SYNPR: variants seen among roughly 807,000 people sequenced by gnomAD.
SYNPR encodes synaptoporin.
SYNPR carries 23 observed loss-of-function variants against 32.9 expected under a neutral mutation model. The ratio of observed to expected loss-of-function variants is 0.70; its 90% CI spans 0.50 to 0.99. The LOEUF is 0.99. Ranked by LOEUF, SYNPR falls within the 50% of genes least tolerant of loss-of-function variation. The pLI is 0.00. For missense variants in SYNPR, 318 were observed against 349.3 expected (o/e 0.91, Z 0.71); for synonymous variants, 146 against 135.9 (o/e 1.07, Z -0.52).
intron 2 of SYNPR, among the ~76,000 whole-genome samples, chr3:63,372,962 A>C (rs1289520101): frequency 6.6e-6 from 1 of 152,198 alleles, no homozygotes; most frequent in Non-Finnish European, 1.5e-5. Context: ...CCAAACTTCA[A>C]CACCAAAAAT....
At chr3:63,439,338 T>A (rs1700131157) in intron 2 of SYNPR, among the ~76,000 whole-genome samples, 1 of 152,220 alleles carries the variant, frequency 6.6e-6, no homozygotes, top group African/African-American at 2.4e-5. Context: ...AATGGATAAA[T>A]GTTATTTTAA....
intron 4 of SYNPR, among the ~76,000 whole-genome samples, chr3:63,604,537 G>C (rs1700091288): frequency 6.6e-6 from 1 of 152,112 alleles, no homozygotes; most frequent in South Asian, 2.1e-4. Context: ...ATTCTGGTAT[G>C]TTGTGTCTTT....
intron 2 of SYNPR, among the ~76,000 whole-genome samples, chr3:63,254,013 T>C (rs929583597): frequency 6.6e-6 from 1 of 152,144 alleles, no homozygotes; most frequent in African/African-American, 2.4e-5. Context: ...TCCTGTCCTT[T>C]GTAGGGACAT....
chr3:63,318,701 T>C (rs552828925), intron 2 of SYNPR, among the ~76,000 whole-genome samples: 1 of 152,220 alleles, frequency 6.6e-6, no homozygotes, highest in South Asian at 2.1e-4. Context: ...GGGCTTTGCC[T>C]TTCTCTAGTC....
At chr3:63,436,636 A>G (rs575588467) in intron 2 of SYNPR, among the ~76,000 whole-genome samples, 54 of 152,206 alleles carry the variant, frequency 3.5e-4, no homozygotes, top group African/African-American at 1.2e-3. Context: ...CCTGAGATCC[A>G]GGGCCTGTGG....
In SYNPR at chr3:63,548,484, G is replaced by T. The variant is rs181226628; in HGVS notation, c.210-8059G>T. ...TCACATAAGCTGAGTAAGTAAGAGT[G>T]TATGTGTGCATCTGTAAATGCACAC... On this transcript the variant is annotated intron_variant, in intron 3 of 5. Coordinates refer to ENST00000478300, the MANE Select transcript of SYNPR (RefSeq NM_001130003.2). Among the ~76,000 whole-genome samples the T allele has an allele frequency of 6.0e-3, 906 of 152,172 alleles. 1 individual carries two copies. Among genetic ancestry groups the T allele is most frequent in the Non-Finnish European group, 7.4e-3 (504 of 68,006 alleles).
intron 4 of SYNPR, among the ~76,000 whole-genome samples, chr3:63,579,821 A>G (rs201448131): frequency 1.5e-5 from 2 of 129,610 alleles, no homozygotes; most frequent in African/African-American, 2.7e-5. Flanking sequence ...ACACACACAC[A>G]CACGCACACA....
intron 2 of SYNPR, among the ~76,000 whole-genome samples, chr3:63,264,540 G>A (rs1434300629): frequency 6.6e-6 from 1 of 152,174 alleles, no homozygotes; most frequent in Non-Finnish European, 1.5e-5. Flanking sequence ...GCAGGCATAT[G>A]TGTGTATTTT....
At chr3:63,553,752 G>A (rs954013163) in intron 3 of SYNPR, among the ~76,000 whole-genome samples, 2 of 151,982 alleles carry the variant, frequency 1.3e-5, no homozygotes, top group East Asian at 1.9e-4. Context: ...ACGGAGTTTC[G>A]CTCTTGTTGC....
At chr3:63,537,373 G>T (rs1702228565) in intron 3 of SYNPR, among the ~76,000 whole-genome samples, 1 of 143,808 alleles carries the variant, frequency 7.0e-6, no homozygotes, top group Non-Finnish European at 1.5e-5. Context: ...ATCTCTACTA[G>T]AAAATCTCTC....
At chr3:63,269,584 A>G (rs780839336) in intron 3 of SYNPR, among the ~76,000 whole-genome samples, 2 of 152,186 alleles carry the variant, frequency 1.3e-5, no homozygotes, top group African/African-American at 2.4e-5. Context: ...ATTAGCACCA[A>G]TTGTGTCTCA....
chr3:63,403,627 G>A (rs2088322388), intron 2 of SYNPR, among the ~76,000 whole-genome samples: 2 of 152,130 alleles, frequency 1.3e-5, no homozygotes, highest in South Asian at 4.1e-4. Context: ...AGTATGGAGA[G>A]CTGAAACACG....
intron 2 of SYNPR, among the ~76,000 whole-genome samples, chr3:63,335,574 T>A (rs1173440045): frequency 1.3e-5 from 2 of 152,014 alleles, no homozygotes; most frequent in Non-Finnish European, 2.9e-5. Flanking sequence ...TTTGAGAAAC[T>A]GTTAACCTGA....
chr3:63,353,429 C>G (rs1271509237), intron 2 of SYNPR, among the ~76,000 whole-genome samples: 1 of 152,194 alleles, frequency 6.6e-6, no homozygotes, highest in Non-Finnish European at 1.5e-5. Flanking sequence ...ATTGGAAACT[C>G]TGACTTTGGC....
the SYNPR span, among the ~76,000 whole-genome samples, chr3:63,209,568 G>A: frequency 2.6e-5 from 4 of 152,100 alleles, no homozygotes; most frequent in African/African-American, 9.7e-5. Flanking sequence ...CATGATTAGG[G>A]TTTAGCCGTA....
intron 2 of SYNPR, among the ~76,000 whole-genome samples, chr3:63,375,013 C>G (rs2087869588): frequency 6.6e-6 from 1 of 152,086 alleles, no homozygotes. Flanking sequence ...AAATCAAAAC[C>G]ACAATGAGAT....
rs77201335 is a variant in SYNPR at position 63,504,702 on chromosome 3, C to G, written c.209+23746C>G. On this transcript the variant is annotated intron_variant, in intron 3 of 5. Transcript: ENST00000478300. ...GTCTTGATCTATGCTTGAAAAAAGGCAGTTTTTAATTAGCAAATGAAGAGA... is the reference window on the plus strand; with the variant it reads ...GTCTTGATCTATGCTTGAAAAAAGGGAGTTTTTAATTAGCAAATGAAGAGA... Among the ~76,000 whole-genome samples, 1,476 of 152,106 alleles carry G rather than the reference C, an allele frequency of 9.7e-3. 24 individuals carry two copies. Among genetic ancestry groups the G allele is most frequent in the African/African-American group, 0.033 (1,383 of 41,496 alleles).
intron 4 of SYNPR, among the ~76,000 whole-genome samples, chr3:63,585,455 C>CT (rs150087899): frequency 2.2e-5 from 3 of 138,148 alleles, no homozygotes; most frequent in Non-Finnish European, 4.8e-5. Flanking sequence ...CCATGCCCCC[C>CT]CCCTCCGCCC....
chr3:63,256,384 G>A (rs146725996), intron 2 of SYNPR, among the ~76,000 whole-genome samples: 1 of 152,124 alleles, frequency 6.6e-6, no homozygotes, highest in Non-Finnish European at 1.5e-5. Context: ...CCAGAGGAAG[G>A]ATCAGGCAGC....
Sources: allele counts gnomAD v4.1 joint callset (sites outside exome capture counted in the v4.1 genomes callset), GRCh38; gene constraint gnomAD v4.1.1; transcripts MANE v1.5; gene names NCBI Gene and HGNC (gene_info 2026-07-23, HGNC 2026-07-21).